Variants in ADCY7 observed in about 807,000 individuals in gnomAD.
The protein encoded by ADCY7 is adenylate cyclase type 7.
In ADCY7, 72 loss-of-function variants were observed where a neutral mutation model predicts 120.6. The observed-to-expected ratio is 0.60, with a 90% CI of 0.49 to 0.73. ADCY7 has a LOEUF of 0.73. Among genes scored for constraint, ADCY7 ranks in the 30% least tolerant of loss-of-function variants. The pLI is 0.00. For missense variants in ADCY7, 1,227 were observed against 1,486.0 expected, an observed-to-expected ratio of 0.83 and a Z score of 2.87; for synonymous variants, 661 against 628.0, an observed-to-expected ratio of 1.05 and a Z score of -0.78.
chr16:50,292,606 C>T (rs757243916), intron 4 of ADCY7, 70 bp from the exon 5 acceptor site: 35 of 1,571,746 alleles, frequency 2.2e-5, no homozygotes, highest in Non-Finnish European at 3.0e-5. Context: ...ACTAGTCCGC[C>T]TAGGGGTCTG....
intron 21 of ADCY7, 53 bp from the exon 22 acceptor site, chr16:50,312,837 T>TC: frequency 3.1e-6 from 5 of 1,591,144 alleles, no homozygotes; most frequent in African/African-American, 2.7e-5. Context: ...TTGCCACTCT[T>TC]CCTGTCCCCT....
At chr16:50,287,056 G>T (rs1427414338) in intron 1 of ADCY7, among the ~76,000 whole-genome samples, 3 of 148,760 alleles carry the variant, frequency 2.0e-5, no homozygotes, top group African/African-American at 7.5e-5. Flanking sequence ...TCACTCTGTT[G>T]CCCAGGCTGG....
In ADCY7 at chr16:50,309,591, A is replaced by T; in HGVS notation, c.2105A>T (p.Glu702Val). Residue 702 changes from glutamate to valine, a missense_variant, in exon 18 of 26, where the codon GAG becomes GTG. By Grantham distance (121) the Glu-to-Val change is moderately radical. Around this residue, in one of 5 missense-constraint regions of ADCY7, gnomAD observed 267 missense variants for 270.0 expected, o/e 0.99. Transcript: ENST00000673801. ...FQVPELPVGN[E>V]TGLLAASSKT... is the part of the protein sequence containing the mutation. Reference sequence around the variant, plus strand: ...GTTCCAGAGCTGCCTGTTGGCAATGAGACAGGCCTACTGGCCGCGAGCAGC... The same window carrying T: ...GTTCCAGAGCTGCCTGTTGGCAATGTGACAGGCCTACTGGCCGCGAGCAGC... 6.2e-7 allele frequency: 1 copy of T among 1,613,604 alleles called. No homozygotes were observed. The highest frequency in any genetic ancestry group is 8.5e-7 in the Non-Finnish European group (1 of 1,179,976).
At position 50,300,762 on chromosome 16, in the gene ADCY7, T is replaced by C. The variant is rs1286245993; in HGVS notation, c.1124T>C (p.Ile375Thr). The change falls in exon 9 of 26, where the codon ATA becomes ACA. Residue 375 changes from isoleucine (I) to threonine (T), a missense_variant. Coordinates refer to ENST00000673801, the MANE Select transcript of ADCY7 (RefSeq NM_001114.5). ...TGVDINMRVGIHSGNVLCGVI... is the reference protein window; with the variant it reads ...TGVDINMRVGTHSGNVLCGVI... ...GTGGACATCAACATGCGTGTGGGCA[T>C]ACACTCGGGGAATGTGCTGTGCGGG... 6.4e-7 allele frequency: 1 copy of C among 1,552,516 alleles called. No homozygotes were observed. Among genetic ancestry groups the C allele is most frequent in the African/African-American group, 1.4e-5 (1 of 73,068 alleles).
intron 1 of ADCY7, among the ~76,000 whole-genome samples, chr16:50,258,476 A>AT (rs1018928355): frequency 1.3e-5 from 2 of 149,916 alleles, no homozygotes; most frequent in African/African-American, 2.5e-5. Context: ...TTCAGTTTTG[A>AT]TTTTTTTCAC....
rs1386797987 is a variant in ADCY7, at chr16:50,310,677, G to A, written c.2161-10G>A. On this transcript the variant is annotated splice_polypyrimidine_tract_variant and intron_variant, in intron 18 of 25. Transcript: ENST00000673801. ...GTGGCCCTGTCCTGAGTGACACCCTGCCCCCTCAGTACTACACCTGCAGCT... is the reference window on the plus strand; with the variant it reads ...GTGGCCCTGTCCTGAGTGACACCCTACCCCCTCAGTACTACACCTGCAGCT... 4 of 1,612,804 alleles carry A rather than the reference G, an allele frequency of 2.5e-6. No homozygotes were observed. The highest frequency in any genetic ancestry group is 1.3e-5 in the African/African-American group (1 of 74,986).
intron 1 of ADCY7, 84 bp from the exon 2 acceptor site, chr16:50,287,828 A>T (rs2150943966): frequency 3.7e-6 from 1 of 267,082 alleles, no homozygotes; most frequent in East Asian, 7.4e-5. Flanking sequence ...TGGTGCTGTG[A>T]GGCCTGGGCC....
At chr16:50,304,603 G>T in intron 11 of ADCY7, 52 bp downstream of exon 11, 1 of 1,487,506 alleles carries the variant, frequency 6.7e-7, no homozygotes, top group Non-Finnish European at 9.0e-7. Context: ...CAAGCCAGGA[G>T]CAGGAGAGTG....
chr16:50,249,213 G>A (rs1414928360), intron 1 of ADCY7, among the ~76,000 whole-genome samples: 1 of 152,290 alleles, frequency 6.6e-6, no homozygotes, highest in South Asian at 2.1e-4. Context: ...GCTGAGGCAG[G>A]CAGATTGCTT....
intron 14 of ADCY7, among the ~76,000 whole-genome samples, chr16:50,306,774 C>T (rs867348584): frequency 2.2e-4 from 33 of 152,162 alleles, no homozygotes; most frequent in East Asian, 3.9e-4. Context: ...TGGAAACAGG[C>T]GAAACTTACC....
intron 11 of ADCY7, 107 bp from the exon 12 acceptor site, chr16:50,304,818 C>A: frequency 6.7e-7 from 1 of 1,481,686 alleles, no homozygotes; most frequent in Non-Finnish European, 9.4e-7. Flanking sequence ...ACCCCGACAC[C>A]TTGTCCTGTG....
At chr16:50,310,533 T>C in intron 18 of ADCY7, 154 bp from the exon 19 acceptor site, 1 of 1,543,718 alleles carries the variant, frequency 6.5e-7, no homozygotes, top group Non-Finnish European at 8.7e-7. Flanking sequence ...CACTGGACAC[T>C]CTTAGGTCTC....
At chr16:50,283,369 C>T (rs959399746) in intron 1 of ADCY7, among the ~76,000 whole-genome samples, 2 of 152,218 alleles carry the variant, frequency 1.3e-5, no homozygotes, top group African/African-American at 4.8e-5. Flanking sequence ...CAGGTGGGCT[C>T]TCTCCTTGTG....
rs114978167 is a variant in ADCY7, at chr16:50,297,358, C to A, written c.949-1546C>A. Among the ~76,000 whole-genome samples the A allele has an allele frequency of 0.011, 1,624 of 152,278 alleles. 20 individuals are homozygous for A. Among genetic ancestry groups the A allele is most frequent in the Non-Finnish European group, 0.015 (1,007 of 68,010 alleles). On this transcript the variant is annotated intron_variant, in intron 7 of 25. Coordinates refer to ENST00000673801, the MANE Select transcript of ADCY7 (RefSeq NM_001114.5). The surrounding 1 kb of genome is among the most constrained non-coding windows in gnomAD (Gnocchi z 4.4). ...GGGGACTGTCAGCCGGTGGAGCAGC[C>A]GGGGGAATGTGGCCTCTCCTACATC...
chr16:50,304,568 C>T lies in ADCY7; in HGVS notation c.1560+17C>T. 1 of 1,520,152 alleles carries T rather than the reference C, an allele frequency of 6.6e-7. No homozygotes were observed. Among genetic ancestry groups the T allele is most frequent in the Non-Finnish European group, 8.8e-7 (1 of 1,132,680 alleles). 94.2% of individuals were successfully genotyped at this position (1,520,152 alleles called of 1,614,324 possible). A position where few individuals can be genotyped will look rare whatever the true frequency, so the allele number is the denominator to read the frequency against. On this transcript the variant is annotated intron_variant, in intron 11 of 25. Coordinates refer to ENST00000673801, the MANE Select transcript of ADCY7 (RefSeq NM_001114.5). ...AGGCCTAAGGTAGGTCCCCCTCCCA[C>T]CCAGAAAGCCAGGGATTGGGGCCCC...
rs1438603221 is a variant in ADCY7 at position 50,315,916 on chromosome 16, G to A, written c.*411G>A. The stretch of plus-strand genomic sequence containing the variant: ...TCTAGACACCAAGGGGGAGTAAGCT[G>A]AGCTGTCTAGCACGGATTGGAGACT... On this transcript the variant is annotated 3_prime_UTR_variant, in exon 26 of 26. Coordinates refer to ENST00000673801, the MANE Select transcript of ADCY7 (RefSeq NM_001114.5). The A allele has an allele frequency of 5.5e-6, 1 of 181,040 alleles. No individual in the cohort carries two copies. The highest frequency in any genetic ancestry group is 1.2e-5 in the Non-Finnish European group (1 of 83,456). 11.2% of individuals were successfully genotyped at this position (181,040 alleles called of 1,614,324 possible).
At chr16:50,275,168 G>T (rs1238323162) in intron 1 of ADCY7, among the ~76,000 whole-genome samples, 3 of 152,206 alleles carry the variant, frequency 2.0e-5, no homozygotes, top group Non-Finnish European at 4.4e-5. Flanking sequence ...GAGAGCCCTG[G>T]TCTTTCACTC....
intron 1 of ADCY7, among the ~76,000 whole-genome samples, chr16:50,260,981 G>T (rs1259882911): frequency 1.3e-5 from 2 of 152,220 alleles, no homozygotes; most frequent in Non-Finnish European, 2.9e-5. Flanking sequence ...GGGGACAAGG[G>T]TCACTGGAGG....
chr16:50,279,207 T>G (rs971862755), intron 1 of ADCY7, among the ~76,000 whole-genome samples: 2 of 152,170 alleles, frequency 1.3e-5, no homozygotes, highest in Admixed American at 6.5e-5. Context: ...GCCCCATTCA[T>G]GTCTTGCTGT....
Sources: gnomAD v4.1 joint callset for allele counts (sites outside exome capture counted in the v4.1 genomes callset) on GRCh38, gnomAD v4.1.1 for gene constraint, gnomAD v4.1.1 regional missense constraint, Gnocchi (gnomAD v3.1) non-coding constraint, MANE v1.5 for transcripts, NCBI Gene and HGNC (gene_info 2026-07-23, HGNC 2026-07-21) for gene names.